PLXNA4: variants seen among roughly 807,000 people sequenced by gnomAD.
The protein encoded by PLXNA4 is plexin A4, also known as plexin-A4.
In PLXNA4, 44 loss-of-function variants were observed where a neutral mutation model predicts 191.8. The ratio of observed to expected loss-of-function variants is 0.23; its 90% CI spans 0.18 to 0.29. The LOEUF (loss-of-function observed/expected upper bound fraction) is 0.29. Among genes scored for constraint, PLXNA4 ranks in the 10% least tolerant of loss-of-function variants. The pLI is 1.00. For missense variants in PLXNA4, 1,800 were observed against 2,488.8 expected, an observed-to-expected ratio of 0.72 and a Z score of 5.89; for synonymous variants, 1,082 against 1,009.5, an observed-to-expected ratio of 1.07 and a Z score of -1.36.
intron 4 of PLXNA4, among the ~76,000 whole-genome samples, chr7:132,253,977 C>G (rs1190170387): frequency 1.3e-5 from 2 of 152,208 alleles, no homozygotes; most frequent in Non-Finnish European, 2.9e-5. Flanking sequence ...GTCCTAGGAC[C>G]TGGGCTGTAA....
At chr7:132,516,198 C>T (rs931366425) in intron 1 of PLXNA4, among the ~76,000 whole-genome samples, 1 of 151,874 alleles carries the variant, frequency 6.6e-6, no homozygotes, top group African/African-American at 2.4e-5. Flanking sequence ...TTTATAAATA[C>T]TTAAAATACT....
intron 1 of PLXNA4, among the ~76,000 whole-genome samples, chr7:132,566,160 G>A (rs558129499): frequency 1.5e-4 from 23 of 152,238 alleles, no homozygotes; most frequent in South Asian, 2.1e-4. Flanking sequence ...AAGGAGCACC[G>A]TGCCTGCACC....
intron 3 of PLXNA4, among the ~76,000 whole-genome samples, chr7:132,471,245 A>G (rs111388629): frequency 0.011 from 1,719 of 152,260 alleles, 17 homozygotes; most frequent in Middle Eastern, 0.034. Context: ...AAGCAGATAT[A>G]CACCCTGTAG....
At chr7:132,256,180 T>C (rs1199804532) in intron 4 of PLXNA4, among the ~76,000 whole-genome samples, 2 of 152,222 alleles carry the variant, frequency 1.3e-5, no homozygotes, top group Non-Finnish European at 2.9e-5. Flanking sequence ...CAGCCCCTGC[T>C]GTGACAGGGA....
intron 3 of PLXNA4, among the ~76,000 whole-genome samples, chr7:132,458,687 G>T (rs1487652958): frequency 6.6e-6 from 1 of 151,920 alleles, no homozygotes; most frequent in Non-Finnish European, 1.5e-5. Flanking sequence ...GACTTCTGGG[G>T]CATGGGAATG....
intron 3 of PLXNA4, among the ~76,000 whole-genome samples, chr7:132,423,080 A>C (rs1341631966): frequency 6.6e-6 from 1 of 152,178 alleles, no homozygotes; most frequent in Non-Finnish European, 1.5e-5. Flanking sequence ...AATTCGTTAC[A>C]CGACTCCTGA....
chr7:132,203,243 G>T (rs1032140912), intron 11 of PLXNA4, 80 bp downstream of exon 11: 32 of 1,336,392 alleles, frequency 2.4e-5, no homozygotes, highest in Non-Finnish European at 3.0e-5. Context: ...AATGACTCCC[G>T]CGAGAATGCA....
At chr7:132,630,672 C>T (rs1015683776) in intron 2 of PLXNA4, among the ~76,000 whole-genome samples, 13 of 151,978 alleles carry the variant, frequency 8.6e-5, no homozygotes, top group Middle Eastern at 3.2e-3. Flanking sequence ...CCACCACACC[C>T]GGCTAATTTT....
intron 19 of PLXNA4, 138 bp downstream of exon 19, chr7:132,180,448 A>G: frequency 7.4e-7 from 1 of 1,342,826 alleles, no homozygotes; most frequent in Non-Finnish European, 1.0e-6. Flanking sequence ...AACATGAAGA[A>G]AGAACTTGGG....
intron 25 of PLXNA4, among the ~76,000 whole-genome samples, chr7:132,151,037 A>G (rs1324996463): frequency 6.6e-6 from 1 of 152,196 alleles, no homozygotes; most frequent in Non-Finnish European, 1.5e-5. Flanking sequence ...GTTTTCCCAA[A>G]AGCCAATATG....
Position 132,203,303 on chromosome 7 carries a change from AGG to A in PLXNA4, c.2395+18_2395+19del. ...CATCCCTTCCCCTCCCTCCCCTGCT[AGG>A]CCCCAGCCCTTCCACACCTTTATTC... On this transcript the variant is annotated intron_variant, in intron 11 of 31. Coordinates refer to ENST00000321063, the MANE Select transcript of PLXNA4 (RefSeq NM_020911.2). 2.1e-6 allele frequency: 3 copies of A among 1,402,030 alleles called. No individual in the cohort carries two copies. Among genetic ancestry groups the A allele is most frequent in the Non-Finnish European group, 1.9e-6 (2 of 1,029,434 alleles). 86.8% of individuals were successfully genotyped at this position (1,402,030 alleles called of 1,614,324 possible).
intron 3 of PLXNA4, among the ~76,000 whole-genome samples, chr7:132,412,459 C>A (rs75271540): frequency 6.6e-6 from 1 of 152,038 alleles, no homozygotes. Context: ...TGGGCAAAGA[C>A]GAAGGGAGCA....
chr7:132,245,450 G>A (rs114584998), intron 4 of PLXNA4, among the ~76,000 whole-genome samples: 256 of 152,326 alleles, frequency 1.7e-3, no homozygotes, highest in African/African-American at 5.9e-3. Flanking sequence ...TTGTGTGCAG[G>A]GTTAGGGTAG....
chr7:132,447,199 T>C (rs1360580123), intron 3 of PLXNA4, among the ~76,000 whole-genome samples: 1 of 152,158 alleles, frequency 6.6e-6, no homozygotes, highest in Non-Finnish European at 1.5e-5. Flanking sequence ...CAGAATGGAA[T>C]AGCGCATCAC....
chr7:132,178,746 CAT>C lies in PLXNA4; in HGVS notation c.3874+939_3874+940del, dbSNP rs1344466439. Among the ~76,000 whole-genome samples, 245 of 74,480 alleles carry C rather than the reference CAT, an allele frequency of 3.3e-3. 6 individuals carry two copies. Among genetic ancestry groups the C allele is most frequent in the African/African-American group, 0.017 (210 of 12,420 alleles). 48.9% of individuals were successfully genotyped at this position (74,480 alleles called of 152,430 possible). On this transcript the variant is annotated intron_variant, in intron 20 of 31. Transcript: ENST00000321063. ...CACACACACACTTGTAAATGAAACACATACACACACACACACACACACACACA... is the reference window on the plus strand; with the variant it reads ...CACACACACACTTGTAAATGAAACACACACACACACACACACACACACACA...
At chr7:132,279,898 A>G (rs1223844195) in intron 4 of PLXNA4, among the ~76,000 whole-genome samples, 1 of 152,218 alleles carries the variant, frequency 6.6e-6, no homozygotes, top group African/African-American at 2.4e-5. Context: ...ACATATTGCC[A>G]GTTTACACAA....
chr7:132,145,338 G>A (rs1256690085), intron 28 of PLXNA4, 50 bp from the exon 29 acceptor site: 1 of 1,607,050 alleles, frequency 6.2e-7, no homozygotes, highest in South Asian at 1.1e-5. Flanking sequence ...GTAGTTCTGA[G>A]GATGGCTTTT....
chr7:132,640,329 A>C (rs923340515), intron 2 of PLXNA4, among the ~76,000 whole-genome samples: 1 of 152,176 alleles, frequency 6.6e-6, no homozygotes, highest in Admixed American at 6.5e-5. Context: ...ACACTAAATA[A>C]ATGCATATAG....
At chr7:132,517,071 T>A (rs2116332139) in intron 1 of PLXNA4, among the ~76,000 whole-genome samples, 1 of 152,314 alleles carries the variant, frequency 6.6e-6, no homozygotes, top group Non-Finnish European at 1.5e-5. Context: ...TCCCAGCCTC[T>A]ATTAGAAACC....
Sources: allele counts gnomAD v4.1 joint callset (sites outside exome capture counted in the v4.1 genomes callset), GRCh38; gene constraint gnomAD v4.1.1; transcripts MANE v1.5; gene names NCBI Gene and HGNC (gene_info 2026-07-23, HGNC 2026-07-21).